The following SELP variants were observed in gnomAD, a reference collection of about 807,000 sequenced individuals.
The protein encoded by SELP is P-selectin.
A neutral mutation model predicts 104.1 loss-of-function variants in SELP; 92 were observed. That is an observed-to-expected ratio of 0.88 (90% CI 0.75 to 1.05). The LOEUF (loss-of-function observed/expected upper bound fraction) is 1.05. SELP is among the 50% of genes least tolerant of loss of function. SELP has a pLI of 0.00. For missense variants in SELP, 1,022 were observed against 1,017.3 expected (o/e 1.00, Z -0.06); for synonymous variants, 397 against 364.5 (o/e 1.09, Z -1.01).
Position 169,613,065 on chromosome 1 carries a change from G to T in SELP, c.639C>A (p.Cys213Ter), listed in dbSNP as rs201881892. The change falls in exon 5 of 17, where the codon TGC (cysteine) becomes TGA (stop). Residue 213 changes from cysteine to a stop codon, truncating the protein, a stop_gained. Transcript: ENST00000263686. LOFTEE classifies it high-confidence loss of function. ...AAGAGAAGTTTCCCAGAGGGTGGCT[G>T]CAGTTCATGAGCACGTGTTGAGGGA... ...LELPQHVLMN[C>*]SHPLGNFSFN... 3 of 1,613,536 alleles carry T rather than the reference G, an allele frequency of 1.9e-6. No individual in the cohort carries two copies.
intron 7 of SELP, among the ~76,000 whole-genome samples, chr1:169,609,902 G>A (rs1662420927): frequency 6.6e-6 from 1 of 152,036 alleles, no homozygotes; most frequent in African/African-American, 2.4e-5. Context: ...TCTCAGCTTA[G>A]ACTTCCCTTT....
chr1:169,590,157 C>T lies in SELP; in HGVS notation c.2484G>A (p.Pro828=), dbSNP rs766377540. Residue 828 remains proline (P), a synonymous_variant, in exon 16 of 17, where the codon CCG becomes CCA. Transcript: ENST00000263686. ...TTATAGGGATCTTACCTTAAGGACT[C>T]GGGTCAAATGCAGCGTTTGTAAAAA... ...YGVFTNAAFD[P]SP The T allele has an allele frequency of 4.2e-5, 67 of 1,611,384 alleles. 1 individual carries two copies. Among genetic ancestry groups the T allele is most frequent in the African/African-American group, 1.1e-4 (8 of 74,854 alleles).
chr1:169,597,185 T>A lies in SELP; in HGVS notation c.1706-9A>T. ...TTCTGGGCACTTGATGGCTAGAGTA[T>A]CAAATTAAGAGTGTCACAATCTCCA... On this transcript the variant is annotated splice_polypyrimidine_tract_variant and intron_variant, in intron 10 of 16. Coordinates refer to ENST00000263686, the MANE Select transcript of SELP (RefSeq NM_003005.4). The A allele has an allele frequency of 1.3e-6, 2 of 1,578,186 alleles. No individual in the cohort carries two copies. The highest frequency in any genetic ancestry group is 8.6e-7 in the Non-Finnish European group (1 of 1,160,132).
intron 1 of SELP, among the ~76,000 whole-genome samples, chr1:169,625,031 C>T (rs1663309588): frequency 6.6e-6 from 1 of 152,152 alleles, no homozygotes; most frequent in Non-Finnish European, 1.5e-5. Flanking sequence ...TGTCCTCCTG[C>T]CCACATCTGC....
chr1:169,627,626 T>C (rs535805781), intron 1 of SELP, among the ~76,000 whole-genome samples: 5 of 152,352 alleles, frequency 3.3e-5, no homozygotes, highest in Admixed American at 3.3e-4. Context: ...GCCTACTCTC[T>C]AGGTTTAGGT....
At position 169,594,838 on chromosome 1, in the gene SELP, G is replaced by A. The variant is rs757489907; in HGVS notation, c.2141C>T (p.Ala714Val). The change falls in exon 13 of 17, where the codon GCG becomes GTG. Residue 714 changes from alanine to valine, a missense_variant. Transcript: ENST00000263686. Reference protein sequence around the residue: ...CSELHVNKPIAMNCSNLWGNF... With the variant: ...CSELHVNKPIVMNCSNLWGNF... ...TCCCCAGAGGTTGGAGCAGTTCATC[G>A]CTATTGGCTTATTAACATGTAGTTC... The A allele has an allele frequency of 8.7e-6, 14 of 1,613,510 alleles. No individual in the cohort carries two copies. Among genetic ancestry groups the A allele is most frequent in the East Asian group, 4.5e-5 (2 of 44,894 alleles).
intron 1 of SELP, 24 bp from the exon 2 acceptor site, chr1:169,619,243 C>T: frequency 6.4e-7 from 1 of 1,572,346 alleles, no homozygotes; most frequent in Non-Finnish European, 8.8e-7. Context: ...AGAAAACTTT[C>T]TTTTAGTATC....
At position 169,612,945 on chromosome 1, in the gene SELP, C is replaced by T; in HGVS notation, c.759G>A (p.Lys253=). The change falls in exon 5 of 17, where the codon AAG becomes AAA. Residue 253 remains lysine, a synonymous_variant. Coordinates refer to ENST00000263686, the MANE Select transcript of SELP (RefSeq NM_003005.4). The part of the protein sequence containing the change: ...ECLASGIWTN[K]PPQCLAAQCP... ...TCTACATACCTAAACACTGTGGAGG[C>T]TTATTTGTCCAGATTCCAGAAGCCA... The T allele has an allele frequency of 1.2e-6, 2 of 1,611,616 alleles. No homozygotes were observed. Among genetic ancestry groups the T allele is most frequent in the Non-Finnish European group, 1.7e-6 (2 of 1,178,368 alleles).
intron 10 of SELP, among the ~76,000 whole-genome samples, chr1:169,598,887 G>C (rs574794197): frequency 6.6e-6 from 1 of 152,224 alleles, no homozygotes; most frequent in African/African-American, 2.4e-5. Context: ...GGTTTGAAAA[G>C]AAACAAGAGG....
intron 7 of SELP, among the ~76,000 whole-genome samples, chr1:169,610,751 C>T (rs1044946547): frequency 3.9e-5 from 6 of 152,020 alleles, no homozygotes; most frequent in African/African-American, 1.2e-4. Context: ...TGCACTTCAG[C>T]CTGGGCGACA....
chr1:169,629,247 C>G (rs563146371), intron 1 of SELP, among the ~76,000 whole-genome samples: 13 of 152,040 alleles, frequency 8.6e-5, no homozygotes, highest in African/African-American at 3.1e-4. Flanking sequence ...GCATCTTATC[C>G]ATGAGCATAT....
chr1:169,622,154 G>A (rs1377975278), intron 1 of SELP, among the ~76,000 whole-genome samples: 4 of 152,170 alleles, frequency 2.6e-5, no homozygotes, highest in East Asian at 1.9e-4. Context: ...AAATACATTC[G>A]TATGCCAGAG....
intron 9 of SELP, among the ~76,000 whole-genome samples, chr1:169,606,224 G>A (rs3917756): frequency 0.016 from 2,378 of 152,314 alleles, 45 homozygotes; most frequent in African/African-American, 0.048. Context: ...AGCTGAGACA[G>A]GAGAATTGCT....
At chr1:169,609,474 C>A in intron 8 of SELP, 30 bp downstream of exon 8, 1 of 1,590,980 alleles carries the variant, frequency 6.3e-7, no homozygotes, top group Non-Finnish European at 8.6e-7. Context: ...AGCTGAGACA[C>A]ACAGAAAAAC....
At chr1:169,602,999 A>G (rs1450096719) in intron 10 of SELP, 27 bp downstream of exon 10, 3 of 1,577,654 alleles carry the variant, frequency 1.9e-6, no homozygotes, top group African/African-American at 1.4e-5. Context: ...CTTTAAAGCC[A>G]TAAGAAAGGA....
At chr1:169,597,235 C>A in intron 10 of SELP, 59 bp from the exon 11 acceptor site, 1 of 1,425,572 alleles carries the variant, frequency 7.0e-7, no homozygotes, top group South Asian at 1.4e-5. Context: ...TTCTGTGTTA[C>A]ACAAAGTTCA....
In SELP at chr1:169,597,132, C is replaced by T. The variant is rs1169302231; in HGVS notation, c.1750G>A (p.Asp584Asn). ...AATTCTCCACGAGTGTCAGAACAAT[C>T]CAGGCTGCCCTGCTCTGGGGCAAAG... is the stretch of plus-strand genomic sequence containing the variant. ...ELFAPEQGSL[D>N]CSDTRGEFNV... The change falls in exon 11 of 17, where the codon GAT (aspartate) becomes AAT (asparagine). Residue 584 changes from aspartate (D) to asparagine (N), a missense_variant. Transcript: ENST00000263686. 2 of 1,610,692 alleles carry T rather than the reference C, an allele frequency of 1.2e-6. No homozygotes were observed. The highest frequency in any genetic ancestry group is 8.5e-7 in the Non-Finnish European group (1 of 1,178,388).
At chr1:169,591,505 G>T in intron 14 of SELP, 49 bp from the exon 15 acceptor site, 2 of 1,205,070 alleles carry the variant, frequency 1.7e-6, no homozygotes, top group Non-Finnish European at 2.3e-6. Flanking sequence ...AAAAAAACAA[G>T]ATGAAAGAGA....
chr1:169,624,263 A>G (rs548569665), intron 1 of SELP, among the ~76,000 whole-genome samples: 2 of 152,294 alleles, frequency 1.3e-5, no homozygotes, highest in South Asian at 4.1e-4. Context: ...TGTGTTACTA[A>G]GCAAGTTAAA....
Sources: gnomAD v4.1 joint callset for allele counts (sites outside exome capture counted in the v4.1 genomes callset) on GRCh38, gnomAD v4.1.1 for gene constraint, MANE v1.5 for transcripts, NCBI Gene and HGNC (gene_info 2026-07-23, HGNC 2026-07-21) for gene names.